MID1: variants seen among roughly 807,000 people sequenced by gnomAD.
MID1 encodes midline 1, also known as E3 ubiquitin-protein ligase Midline-1.
MID1 carries 7 observed loss-of-function variants against 40.4 expected under a neutral mutation model. That is an observed-to-expected ratio of 0.17 (90% confidence interval 0.10 to 0.33). The LOEUF is 0.33. MID1 is among the 10% of genes least tolerant of loss of function. The probability of loss-of-function intolerance (pLI) is 1.00; values close to 1 mark genes in which losing one functional copy is unlikely to be tolerated. For synonymous variants in MID1, 229 were observed against 221.2 expected (o/e 1.04, Z -0.31); for missense variants, 367 against 558.5 (o/e 0.66, Z 3.46).
intron 2 of MID1, among the ~76,000 whole-genome samples, chrX:10,531,597 A>G (rs1932975125): frequency 8.9e-6 from 1 of 112,521 alleles, no homozygotes; most frequent in Non-Finnish European, 1.9e-5. Flanking sequence ...AATCTGTTCC[A>G]TATATTTATA....
intron 1 of MID1, among the ~76,000 whole-genome samples, chrX:10,590,798 T>C (rs1935278493): frequency 8.9e-6 from 1 of 111,857 alleles, no homozygotes. Flanking sequence ...AAGGCATGAG[T>C]TTGGAGTTAA....
intron 1 of MID1, among the ~76,000 whole-genome samples, chrX:10,728,751 C>T (rs916405224): frequency 1.8e-5 from 2 of 112,009 alleles, no homozygotes; most frequent in African/African-American, 6.5e-5. Flanking sequence ...ATATTTTAAG[C>T]ATCTTAAACA....
rs1160619105 is a variant in MID1, at chrX:10,541,988, T to C, written c.661-18801A>G. ...CAAATGATGGGAGTTTTACCCCCAT[T>C]AACGGAACTTAGTGTGGACAGCGTT... is the stretch of plus-strand genomic sequence containing the variant. On this transcript the variant is annotated intron_variant, in intron 2 of 9. Transcript: ENST00000317552. Among the ~76,000 whole-genome samples the C allele has an allele frequency of 2.7e-5, 3 of 112,169 alleles. No homozygotes were observed. In the East Asian group the frequency reaches 8.4e-4, roughly 31 times the overall value.
chrX:10,692,311 CT>C (rs2043136115), intron 1 of MID1, among the ~76,000 whole-genome samples: 1 of 111,325 alleles, frequency 9.0e-6, no homozygotes, highest in Admixed American at 9.6e-5. Flanking sequence ...CTGTAAAATT[CT>C]TCTCTTTGTA....
intron 1 of MID1, among the ~76,000 whole-genome samples, chrX:10,662,467 T>C (rs1326239747): frequency 9.0e-6 from 1 of 110,798 alleles, no homozygotes; most frequent in Non-Finnish European, 1.9e-5. Flanking sequence ...AAACCAAAGT[T>C]ACATCTAACA....
chrX:10,573,679 C>A (rs903163378), intron 1 of MID1, among the ~76,000 whole-genome samples: 1 of 112,343 alleles, frequency 8.9e-6, no homozygotes, highest in Non-Finnish European at 1.9e-5. Flanking sequence ...CTACCTCTTG[C>A]TAATCAAAGC....
intron 3 of MID1, among the ~76,000 whole-genome samples, chrX:10,495,957 T>TA (rs1931227318): frequency 8.9e-6 from 1 of 112,447 alleles, no homozygotes; most frequent in Non-Finnish European, 1.9e-5. Context: ...AACATGTACA[T>TA]AGCCATTACC....
chrX:10,784,848 G>T (rs2043870668), intron 1 of MID1, among the ~76,000 whole-genome samples: 1 of 111,054 alleles, frequency 9.0e-6, no homozygotes, highest in Non-Finnish European at 1.9e-5. Context: ...AGCTATCTAT[G>T]ACAAACCCAC....
At chrX:10,673,115 A>T (rs959278497) in intron 1 of MID1, among the ~76,000 whole-genome samples, 55 of 112,084 alleles carry the variant, frequency 4.9e-4, no homozygotes, top group African/African-American at 1.8e-3. Flanking sequence ...CTATACTATG[A>T]GAGTACCAGA....
chrX:10,794,513 G>C (rs143362916), intron 1 of MID1, among the ~76,000 whole-genome samples: 5 of 112,350 alleles, frequency 4.5e-5, no homozygotes, highest in African/African-American at 1.6e-4. Flanking sequence ...ACAGAGCTAA[G>C]GAACTTGAAC....
chrX:10,768,957 A>C (rs1415810965), intron 1 of MID1, among the ~76,000 whole-genome samples: 1 of 111,707 alleles, frequency 9.0e-6, no homozygotes, highest in Non-Finnish European at 1.9e-5. Flanking sequence ...AGAACTGTCC[A>C]ACAGTGATGT....
chrX:10,805,532 T>C (rs1435486359), intron 1 of MID1, among the ~76,000 whole-genome samples: 2,433 of 102,007 alleles, frequency 0.024, 116 homozygotes, highest in African/African-American at 0.086. Flanking sequence ...AATAAACATA[T>C]GTGTGCATGT....
At chrX:10,639,002 T>A (rs1348998481) in intron 1 of MID1, among the ~76,000 whole-genome samples, 1 of 112,135 alleles carries the variant, frequency 8.9e-6, no homozygotes, top group Non-Finnish European at 1.9e-5. Context: ...AAACCCCATC[T>A]GTACATCACC....
At chrX:10,603,289 C>T (rs1226994141) in intron 1 of MID1, among the ~76,000 whole-genome samples, 1 of 111,892 alleles carries the variant, frequency 8.9e-6, no homozygotes, top group Non-Finnish European at 1.9e-5. Context: ...ACACTTTGGT[C>T]ATTCATGACT....
chrX:10,505,013 A>G lies in MID1; in HGVS notation c.757-9322T>C, dbSNP rs1022138985. On this transcript the variant is annotated intron_variant, in intron 3 of 9. Coordinates refer to ENST00000317552, the MANE Select transcript of MID1 (RefSeq NM_000381.4). ...ACTTTATATTCAGAGGACTGCAGGT[A>G]TGAAAAATATTTGAATTTCTGTGAG... 7.1e-5 allele frequency among the ~76,000 whole-genome samples: 8 copies of G among 112,035 alleles called. No homozygotes were observed. In the Admixed American group the frequency reaches 7.6e-4, roughly 11 times the overall value.
intron 4 of MID1, among the ~76,000 whole-genome samples, chrX:10,488,602 T>TA (rs1331365187): frequency 1.8e-5 from 2 of 111,851 alleles, no homozygotes; most frequent in East Asian, 5.6e-4. Context: ...CTGTGATGGT[T>TA]AATACTGAGT....
chrX:10,474,567 A>C (rs1215510151), intron 6 of MID1, 56 bp downstream of exon 6: 1 of 1,157,527 alleles, frequency 8.6e-7, no homozygotes, highest in Non-Finnish European at 1.2e-6. Context: ...ATCTGGTGGC[A>C]AAGTGTTTAT....
chrX:10,636,596 T>C (rs985110355), intron 1 of MID1, among the ~76,000 whole-genome samples: 3 of 107,983 alleles, frequency 2.8e-5, no homozygotes, highest in Admixed American at 2.0e-4. Flanking sequence ...GCCACCTTAC[T>C]AGTGTTCTCT....
At chrX:10,692,050 AC>A (rs1275167936) in intron 1 of MID1, among the ~76,000 whole-genome samples, 1 of 111,395 alleles carries the variant, frequency 9.0e-6, no homozygotes, top group Admixed American at 9.5e-5. Flanking sequence ...CTGCCCTCGA[AC>A]CCTGTTTCCT....
Sources: gnomAD v4.1 joint callset for allele counts (sites outside exome capture counted in the v4.1 genomes callset) on GRCh38, gnomAD v4.1.1 for gene constraint, MANE v1.5 for transcripts, NCBI Gene and HGNC (gene_info 2026-07-23, HGNC 2026-07-21) for gene names.